The following ZNF883 variants were observed in gnomAD, a reference collection of about 807,000 sequenced individuals.
ZNF883 encodes the protein zinc finger protein 883.
upstream of ZNF883, among the ~76,000 whole-genome samples, chr9:112,999,369 G>T (rs752401184): frequency 3.9e-5 from 6 of 152,132 alleles, no homozygotes; most frequent in Non-Finnish European, 7.3e-5. Context: ...ACACTTCTGT[G>T]TGCAAATGTG....
At chr9:112,997,332 G>A (rs201148870) in exon 1 of ZNF883, 104 of 1,613,948 alleles carry the variant, frequency 6.4e-5, no homozygotes, top group South Asian at 4.9e-4. Context: ...CTCTGATGTC[G>A]AATTAGTGAT....
upstream of ZNF883, chr9:112,999,677 A>AAACTGG: frequency 6.6e-6 from 1 of 152,320 alleles, no homozygotes; most frequent in South Asian, 2.1e-4. Context: ...TTACCAGTTT[A>AAACTGG]TTATAAAGGA....
chr9:112,995,834 C>T (rs188282260), downstream of ZNF883, among the ~76,000 whole-genome samples: 10 of 152,020 alleles, frequency 6.6e-5, no homozygotes, highest in Admixed American at 2.0e-4. Flanking sequence ...ATTTAAGTTT[C>T]CTTCCATATA....
intron 1 of ZNF883, among the ~76,000 whole-genome samples, chr9:112,989,520 G>A (rs932586332): frequency 6.6e-6 from 1 of 152,170 alleles, no homozygotes; most frequent in Admixed American, 6.5e-5. Context: ...TTTGGTTACT[G>A]TAGCCTCATA....
downstream of ZNF883, among the ~76,000 whole-genome samples, chr9:112,992,544 T>C (rs7026503): frequency 0.12 from 18,019 of 152,146 alleles, 1,525 homozygotes; most frequent in Non-Finnish European, 0.16. Context: ...GAGAATCTGA[T>C]GATTATGTGT....
intron 2 of ZNF883, among the ~76,000 whole-genome samples, chr9:113,003,677 A>G (rs1280504984): frequency 6.6e-6 from 1 of 152,176 alleles, no homozygotes; most frequent in African/African-American, 2.4e-5. Flanking sequence ...CCCTCAAACC[A>G]TAAGCAAGCT....
intron 2 of ZNF883, among the ~76,000 whole-genome samples, chr9:113,006,178 A>G (rs1828474197): frequency 6.6e-6 from 1 of 152,080 alleles, no homozygotes; most frequent in African/African-American, 2.4e-5. Flanking sequence ...TTATACACTA[A>G]TTATAATATA....
upstream of ZNF883, among the ~76,000 whole-genome samples, chr9:113,001,254 A>G (rs1287402062): frequency 2.0e-5 from 3 of 152,160 alleles, no homozygotes; most frequent in Non-Finnish European, 4.4e-5. Context: ...ATTTTTAGGC[A>G]ACATGTTATT....
downstream of ZNF883, among the ~76,000 whole-genome samples, chr9:112,993,971 C>T (rs901582808): frequency 2.0e-5 from 3 of 152,062 alleles, no homozygotes; most frequent in African/African-American, 4.8e-5. Context: ...GAACTCAAGT[C>T]ATCTTAGGCA....
intron 2 of ZNF883, among the ~76,000 whole-genome samples, chr9:113,005,038 T>G (rs1003904657): frequency 6.6e-6 from 1 of 152,086 alleles, no homozygotes; most frequent in African/African-American, 2.4e-5. Context: ...AGCTGCTGCC[T>G]TATGAAAAAT....
At chr9:112,989,461 ATTCTGTTCC>A in intron 1 of ZNF883, among the ~76,000 whole-genome samples, 1 of 152,152 alleles carries the variant, frequency 6.6e-6, no homozygotes, top group Middle Eastern at 3.4e-3. Context: ...TGAGATCTCT[ATTCTGTTCC>A]ATTGGTCTAT....
chr9:112,999,236 T>G (rs1312960630), upstream of ZNF883: 2 of 152,208 alleles, frequency 1.3e-5, no homozygotes, highest in Admixed American at 1.3e-4. Flanking sequence ...AAGTGCTGAT[T>G]AATAGGGAAG....
upstream of ZNF883, among the ~76,000 whole-genome samples, chr9:113,000,941 T>C (rs1706139458): frequency 6.6e-6 from 1 of 152,130 alleles, no homozygotes; most frequent in African/African-American, 2.4e-5. Flanking sequence ...TAAAGGCACA[T>C]GCATTTACGT....
chr9:113,007,848 C>G (rs1224800037), intron 2 of ZNF883, among the ~76,000 whole-genome samples: 1 of 152,186 alleles, frequency 6.6e-6, no homozygotes, highest in Non-Finnish European at 1.5e-5. Context: ...AGAGCTAGGA[C>G]TATAGCCTCT....
upstream of ZNF883, among the ~76,000 whole-genome samples, chr9:113,002,516 A>T (rs570158525): frequency 1.3e-5 from 2 of 152,322 alleles, no homozygotes; most frequent in African/African-American, 4.8e-5. Flanking sequence ...CTAACATAAG[A>T]TGTTGACAGT....
chr9:113,008,042 C>A (rs1828496018), intron 2 of ZNF883, among the ~76,000 whole-genome samples: 1 of 151,362 alleles, frequency 6.6e-6, no homozygotes, highest in Non-Finnish European at 1.5e-5. Context: ...GGCAATGAGC[C>A]ATTCAAATGA....
At chr9:112,997,413 G>A (rs781372405) in exon 1 of ZNF883, 2 of 1,614,004 alleles carry the variant, frequency 1.2e-6, no homozygotes, top group South Asian at 2.2e-5. Context: ...ATTTTTAGAT[G>A]TTCAGTAAGG....
At chr9:112,996,500 G>GT (rs560223238), downstream of ZNF883, among the ~76,000 whole-genome samples, 85 of 152,152 alleles carry the variant, frequency 5.6e-4, 3 homozygotes, top group South Asian at 0.016. Context: ...AATTCAAAAG[G>GT]TTTTTTTATG....
At chr9:113,011,718 G>A (rs565638231) in intron 1 of ZNF883, among the ~76,000 whole-genome samples, 2 of 152,098 alleles carry the variant, frequency 1.3e-5, no homozygotes, top group Non-Finnish European at 2.9e-5. Context: ...AATTCTAGTT[G>A]GCACTAAATA....
Sources: gnomAD v4.1 joint callset for allele counts (sites outside exome capture counted in the v4.1 genomes callset) on GRCh38, gnomAD v4.1.1 for gene constraint, MANE v1.5 for transcripts, NCBI Gene and HGNC (gene_info 2026-07-23, HGNC 2026-07-21) for gene names.